The following SCN11A variants were observed in gnomAD, a reference collection of about 807,000 sequenced individuals.
The protein encoded by SCN11A is sodium voltage-gated channel alpha subunit 11.
In SCN11A, 122 loss-of-function variants were observed where a neutral mutation model predicts 162.2. That is an observed-to-expected ratio of 0.75 (90% CI 0.65 to 0.87). The LOEUF (loss-of-function observed/expected upper bound fraction) is 0.87, where lower values mean the gene tolerates loss of function less well. Ranked by LOEUF, SCN11A falls within the 40% of genes least tolerant of loss-of-function variation. The probability of loss-of-function intolerance (pLI) is 0.00; values close to 1 mark genes in which losing one functional copy is unlikely to be tolerated. For synonymous variants in SCN11A, 758 were observed against 751.5 expected (o/e 1.01, Z -0.14); for missense variants, 2,015 against 2,181.6 (o/e 0.92, Z 1.52).
At chr3:38,916,807 T>C (rs1456441940) in intron 11 of SCN11A, among the ~76,000 whole-genome samples, 3 of 152,158 alleles carry the variant, frequency 2.0e-5, no homozygotes, top group Non-Finnish European at 4.4e-5. Context: ...CACGGTGAAT[T>C]AGTCAGCAGG....
chr3:39,031,089 T>C (rs1256003883), intron 2 of SCN11A, among the ~76,000 whole-genome samples: 1 of 147,892 alleles, frequency 6.8e-6, no homozygotes, highest in Non-Finnish European at 1.5e-5. Context: ...ACGTAAAATA[T>C]ATAGACAGAA....
chr3:38,930,945 A>G (rs1381711305), intron 7 of SCN11A, among the ~76,000 whole-genome samples: 1 of 152,058 alleles, frequency 6.6e-6, no homozygotes, highest in African/African-American at 2.4e-5. Context: ...AGAGCAAATT[A>G]CCTTCCCATA....
chr3:38,868,422 T>C (rs908495250), intron 26 of SCN11A, among the ~76,000 whole-genome samples: 1 of 152,246 alleles, frequency 6.6e-6, no homozygotes, highest in South Asian at 2.1e-4. Context: ...GGAAAGAATA[T>C]TTAGCATTAG....
chr3:38,887,953 A>C (rs2065431029), intron 19 of SCN11A, among the ~76,000 whole-genome samples: 1 of 152,192 alleles, frequency 6.6e-6, no homozygotes, highest in African/African-American at 2.4e-5. Flanking sequence ...TCACAAACAT[A>C]CACATACAAA....
At chr3:38,942,311 C>A (rs1296042204) in intron 7 of SCN11A, among the ~76,000 whole-genome samples, 1 of 152,076 alleles carries the variant, frequency 6.6e-6, no homozygotes, top group Non-Finnish European at 1.5e-5. Context: ...AAGTAAAAAT[C>A]AGTAAAGGTA....
chr3:38,985,425 C>T lies in SCN11A; in HGVS notation c.-279-25002G>A, dbSNP rs942797877. 6.5e-4 allele frequency among the ~76,000 whole-genome samples: 98 copies of T among 150,622 alleles called. 7 individuals are homozygous for T. Among genetic ancestry groups the T allele is most frequent in the African/African-American group, 2.4e-3 (96 of 40,122 alleles). Reference sequence around the variant, plus strand: ...GATTACAGGCGTGAGCCACCGCACCCGGCCTGCTGGCTGTCTTAAGAATCA... The same window carrying T: ...GATTACAGGCGTGAGCCACCGCACCTGGCCTGCTGGCTGTCTTAAGAATCA... On this transcript the variant is annotated intron_variant, in intron 2 of 29. Transcript: ENST00000302328.
intron 7 of SCN11A, among the ~76,000 whole-genome samples, chr3:38,931,403 G>A (rs186537887): frequency 3.9e-4 from 59 of 152,258 alleles, no homozygotes; most frequent in African/African-American, 1.1e-3. Flanking sequence ...ACCACTAACC[G>A]GTGTCCCAGA....
rs2066350077 is a variant in SCN11A at position 38,937,247 on chromosome 3, TAG to T, written c.488+8162_488+8163del. On this transcript the variant is annotated intron_variant, in intron 7 of 29. Coordinates refer to ENST00000302328, the MANE Select transcript of SCN11A (RefSeq NM_001349253.2). ...CAAGATGGATTAAAGACTTAAACGT[TAG>T]ACCTAAAACCATAAAAATCCTAGAA... is the stretch of plus-strand genomic sequence containing the variant. Among the ~76,000 whole-genome samples, 3 of 151,830 alleles carry T rather than the reference TAG, an allele frequency of 2.0e-5. No individual in the cohort carries two copies. In the South Asian group the frequency reaches 6.3e-4, roughly 32 times the overall value.
intron 17 of SCN11A, 127 bp downstream of exon 17, chr3:38,899,767 C>T: frequency 2.9e-6 from 2 of 687,862 alleles, no homozygotes; most frequent in Non-Finnish European, 2.4e-6. Context: ...AAGAGGAGTG[C>T]AGTTTTGGTT....
chr3:38,956,252 A>T (rs868398235), intron 3 of SCN11A, among the ~76,000 whole-genome samples: 1 of 152,312 alleles, frequency 6.6e-6, no homozygotes, highest in East Asian at 1.9e-4. Context: ...CTCAAAAAAA[A>T]AAGCAAAAAC....
intron 3 of SCN11A, among the ~76,000 whole-genome samples, chr3:38,958,913 T>C (rs2066713969): frequency 6.6e-6 from 1 of 152,190 alleles, no homozygotes; most frequent in Non-Finnish European, 1.5e-5. Context: ...AGAATGAAGG[T>C]GGATTATTTA....
intron 2 of SCN11A, among the ~76,000 whole-genome samples, chr3:38,992,393 T>G (rs988762158): frequency 1.3e-5 from 2 of 152,198 alleles, no homozygotes; most frequent in South Asian, 2.1e-4. Context: ...GGAATATTGA[T>G]AGACAACATG....
intron 2 of SCN11A, among the ~76,000 whole-genome samples, chr3:38,994,706 T>C (rs1381857276): frequency 6.6e-6 from 1 of 152,196 alleles, no homozygotes; most frequent in East Asian, 1.9e-4. Flanking sequence ...AGCCAAAGCA[T>C]GGGGAGTGTT....
At chr3:39,006,107 C>T (rs2030966087) in intron 2 of SCN11A, among the ~76,000 whole-genome samples, 1 of 152,158 alleles carries the variant, frequency 6.6e-6, no homozygotes, top group Admixed American at 6.5e-5. Context: ...GATAAGAAGG[C>T]TTATGACAAT....
At chr3:39,004,655 C>T (rs2030916873) in intron 2 of SCN11A, among the ~76,000 whole-genome samples, 1 of 152,094 alleles carries the variant, frequency 6.6e-6, no homozygotes. Context: ...TATCCATGAG[C>T]AGGTAATGTT....
intron 26 of SCN11A, among the ~76,000 whole-genome samples, chr3:38,868,659 G>C (rs2065078538): frequency 6.6e-6 from 1 of 152,154 alleles, no homozygotes; most frequent in South Asian, 2.1e-4. Flanking sequence ...GAAAATCAGA[G>C]CTGCAAGATG....
chr3:38,994,967 C>T (rs1393994326), intron 2 of SCN11A, among the ~76,000 whole-genome samples: 1 of 152,124 alleles, frequency 6.6e-6, no homozygotes, highest in African/African-American at 2.4e-5. Flanking sequence ...CATTCTACCT[C>T]CCTACCTCCT....
intron 4 of SCN11A, among the ~76,000 whole-genome samples, chr3:38,953,270 G>T (rs1462854524): frequency 6.6e-6 from 1 of 152,058 alleles, no homozygotes; most frequent in Non-Finnish European, 1.5e-5. Context: ...GGTGGAGGGT[G>T]GAAGGAAGGA....
At position 38,959,226 on chromosome 3, in the gene SCN11A, G is replaced by A. The variant is rs563284096; in HGVS notation, c.-139+1057C>T. ...CAGAATTTCCCCCAGAAATCTACAA[G>A]GTGGGCATGATTACATCATCCCCAT... On this transcript the variant is annotated intron_variant, in intron 3 of 29. Transcript: ENST00000302328. 3.9e-5 allele frequency among the ~76,000 whole-genome samples: 6 copies of A among 152,274 alleles called. No individual in the cohort carries two copies. In the South Asian group the frequency reaches 1.0e-3, roughly 26 times the overall value.
Sources: allele counts gnomAD v4.1 joint callset (sites outside exome capture counted in the v4.1 genomes callset), GRCh38; gene constraint gnomAD v4.1.1; transcripts MANE v1.5; gene names NCBI Gene and HGNC (gene_info 2026-07-23, HGNC 2026-07-21).